SCN1A: variants seen among roughly 807,000 people sequenced by gnomAD.
The protein encoded by SCN1A is sodium voltage-gated channel alpha subunit 1.
A neutral mutation model predicts 193.7 loss-of-function variants in SCN1A; 13 were observed. That is an observed-to-expected ratio of 0.07 (90% CI 0.04 to 0.11). The LOEUF is 0.11. SCN1A is among the 10% of genes least tolerant of loss of function. SCN1A has a pLI of 1.00. For synonymous variants in SCN1A, 781 were observed against 843.6 expected, an observed-to-expected ratio of 0.93 and a Z score of 1.29; for missense variants, 1,432 against 2,451.1, an observed-to-expected ratio of 0.58 and a Z score of 8.78.
rs1308262476 is a variant in SCN1A at position 166,041,176 on chromosome 2, GT to G, written c.2415+54del. On this transcript the variant is annotated intron_variant, in intron 16 of 28. Coordinates refer to ENST00000674923, the MANE Select transcript of SCN1A (RefSeq NM_001165963.4). ...TGCTATACACAATTAAATGTAAACA[GT>G]TTTTCAAGCAGAAAATTTGAAGACT... The G allele has an allele frequency of 3.1e-6, 4 of 1,297,392 alleles. No homozygotes were observed. The South Asian group carries it at 4.7e-5, about 15-fold the overall frequency. The allele number at this position is 1,297,392 out of a possible 1,614,324, so 80.4% of individuals were successfully genotyped here. A position where few individuals can be genotyped will look rare whatever the true frequency, so the allele number is the denominator to read the frequency against.
At chr2:166,111,126 A>G (rs1333310038) in intron 2 of SCN1A, among the ~76,000 whole-genome samples, 4 of 152,172 alleles carry the variant, frequency 2.6e-5, no homozygotes, top group East Asian at 3.8e-4. Context: ...GATTTTCAAT[A>G]TAGATGAAAC....
At chr2:166,111,238 T>C (rs552688843) in intron 2 of SCN1A, among the ~76,000 whole-genome samples, 1 of 152,252 alleles carries the variant, frequency 6.6e-6, no homozygotes, top group South Asian at 2.1e-4. Context: ...AGTCTCTTGT[T>C]AGGAGCTAAT....
chr2:166,051,416 A>T (rs1483307359), intron 9 of SCN1A, among the ~76,000 whole-genome samples: 3 of 152,106 alleles, frequency 2.0e-5, no homozygotes, highest in African/African-American at 7.2e-5. Flanking sequence ...TCATTTAAAA[A>T]TATTTTTCAT....
rs1573984537 is a variant in SCN1A, at chr2:165,998,132, A to G, written c.4382T>C (p.Leu1461Pro). 1 of 1,606,402 alleles carries G rather than the reference A, an allele frequency of 6.2e-7. No homozygotes were observed. The highest frequency in any genetic ancestry group is 2.2e-5 in the East Asian group (1 of 44,562). Residue 1461 changes from leucine to proline, a missense_variant, in exon 26 of 29, where the codon CTT becomes CCT. Physicochemically the swap from Leu to Pro is moderately conservative, Grantham distance 98. Transcript: ENST00000674923. ...AAAGATGATGAAAATAACAAAGTAA[A>G]GATACATGTACAGACTTTCTTCATA... ...PKYEESLYMYLYFVIFIIFGS... is the reference protein window; with the variant it reads ...PKYEESLYMYPYFVIFIIFGS...
intron 24 of SCN1A, among the ~76,000 whole-genome samples, chr2:166,001,326 A>G (rs1690801209): frequency 6.6e-6 from 1 of 151,776 alleles, no homozygotes; most frequent in African/African-American, 2.4e-5. Flanking sequence ...TTTTAATTGC[A>G]TGAATATTAT....
intron 4 of SCN1A, among the ~76,000 whole-genome samples, chr2:166,064,951 G>T (rs1683685129): frequency 6.6e-6 from 1 of 152,154 alleles, no homozygotes; most frequent in African/African-American, 2.4e-5. Context: ...TTCAAAGTTT[G>T]AAACAGGCAA....
intron 4 of SCN1A, among the ~76,000 whole-genome samples, chr2:166,066,715 C>G (rs1170486968): frequency 6.6e-6 from 1 of 152,136 alleles, no homozygotes; most frequent in Non-Finnish European, 1.5e-5. Context: ...AAAACCAATT[C>G]TGACTCTATC....
chr2:166,072,837 CTTTT>C (rs796420549), intron 4 of SCN1A, among the ~76,000 whole-genome samples: 1 of 119,454 alleles, frequency 8.4e-6, no homozygotes. Context: ...TCTCTTCTTT[CTTTT>C]TTTTTTTTTT....
intron 2 of SCN1A, among the ~76,000 whole-genome samples, chr2:166,093,351 T>G (rs1004256140): frequency 4.6e-5 from 7 of 151,982 alleles, no homozygotes; most frequent in South Asian, 4.2e-4. Flanking sequence ...TTTTTTTTTT[T>G]CCTTTGAGAT....
chr2:166,136,471 G>A (rs1188998897), intron 1 of SCN1A, among the ~76,000 whole-genome samples: 1 of 152,094 alleles, frequency 6.6e-6, no homozygotes, highest in Non-Finnish European at 1.5e-5. Context: ...CTGCTAATGA[G>A]TGTTCTCTCT....
At position 166,035,934 on chromosome 2, in the gene SCN1A, TAAAAA is replaced by T. The variant is rs34673057; in HGVS notation, c.3429+109_3429+113del. The T allele has an allele frequency of 0.011, 12,139 of 1,069,550 alleles. 1,000 individuals are homozygous for T. In the African/African-American group the frequency reaches 0.17, roughly 15 times the overall value. 66.3% of individuals were successfully genotyped at this position (1,069,550 alleles called of 1,614,324 possible). ...CTATTGCTTTTGTATTATCATAAAG[TAAAAA>T]AAAAAAAAAATCTTAAGTCAAAACA... On this transcript the variant is annotated intron_variant, in intron 19 of 28. Transcript: ENST00000674923.
At chr2:166,046,659 CATT>C (rs1379431821) in intron 12 of SCN1A, 108 bp downstream of exon 12, 6 of 976,864 alleles carry the variant, frequency 6.1e-6, no homozygotes, top group Non-Finnish European at 7.8e-6. Flanking sequence ...ATATAGAAAT[CATT>C]ATTAATTCCT....
chr2:166,034,597 A>C (rs1358639226), intron 19 of SCN1A, among the ~76,000 whole-genome samples: 1 of 152,218 alleles, frequency 6.6e-6, no homozygotes, highest in African/African-American at 2.4e-5. Flanking sequence ...CTCCTTGTTA[A>C]TTATCTTATA....
At chr2:166,100,150 G>C (rs1372432718) in intron 2 of SCN1A, among the ~76,000 whole-genome samples, 1 of 138,730 alleles carries the variant, frequency 7.2e-6, no homozygotes, top group Non-Finnish European at 1.6e-5. Context: ...GCATGGTACT[G>C]GTACCAAAAC....
rs369450707 is a variant in SCN1A, at chr2:165,986,124, C to T, written c.*5121G>A. 9.9e-5 allele frequency: 15 copies of T among 152,210 alleles called. No homozygotes were observed. Among genetic ancestry groups the T allele is most frequent in the East Asian group, 7.7e-4 (4 of 5,176 alleles). The allele number at this position is 152,210 out of a possible 1,614,324, so 9.4% of individuals were successfully genotyped here. A position where few individuals can be genotyped will look rare whatever the true frequency, so the allele number is the denominator to read the frequency against. On this transcript the variant is annotated 3_prime_UTR_variant, in exon 29 of 29. Transcript: ENST00000674923. ...AACCAATGACCCATTATCACGTATT[C>T]TCACCATCATTTCCAAAGAACATTT...
At chr2:166,129,595 TGAG>T (rs1179349032), upstream of SCN1A, among the ~76,000 whole-genome samples, 1 of 152,126 alleles carries the variant, frequency 6.6e-6, no homozygotes, top group Admixed American at 6.5e-5. Flanking sequence ...TGAAAGAAGA[TGAG>T]GAGACAGGTG....
At chr2:166,128,249 A>G (rs1691468985), upstream of SCN1A, among the ~76,000 whole-genome samples, 1 of 152,036 alleles carries the variant, frequency 6.6e-6, no homozygotes, top group African/African-American at 2.4e-5. Flanking sequence ...GCTATATAAT[A>G]TCATGAACCT....
At chr2:166,110,304 T>C (rs1689157614) in intron 2 of SCN1A, among the ~76,000 whole-genome samples, 2 of 152,306 alleles carry the variant, frequency 1.3e-5, no homozygotes, top group South Asian at 2.1e-4. Context: ...GAAACCTAGA[T>C]AGGCCAAATG....
intron 9 of SCN1A, among the ~76,000 whole-genome samples, chr2:166,050,248 A>G (rs2105880929): frequency 6.6e-6 from 1 of 152,056 alleles, no homozygotes; most frequent in Non-Finnish European, 1.5e-5. Context: ...TGAGGAAAAT[A>G]TAATTTTTCA....
Sources: gnomAD v4.1 joint callset for allele counts (sites outside exome capture counted in the v4.1 genomes callset) on GRCh38, gnomAD v4.1.1 for gene constraint, MANE v1.5 for transcripts, NCBI Gene and HGNC (gene_info 2026-07-23, HGNC 2026-07-21) for gene names.